The following MRPL42 variants were observed in gnomAD, a reference collection of about 807,000 sequenced individuals.
The protein encoded by MRPL42 is mitochondrial ribosomal protein L42, also known as large ribosomal subunit protein mL42.
A neutral mutation model predicts 17.9 loss-of-function variants in MRPL42; 17 were observed. The ratio of observed to expected loss-of-function variants is 0.95; its 90% CI spans 0.65 to 1.42. The LOEUF (loss-of-function observed/expected upper bound fraction) is 1.42. Among genes scored for constraint, MRPL42 ranks in the 40% most tolerant of loss-of-function variants. The pLI is 0.00. For synonymous variants in MRPL42, 59 were observed against 54.4 expected, an observed-to-expected ratio of 1.08 and a Z score of -0.37; for missense variants, 177 against 175.2, an observed-to-expected ratio of 1.01 and a Z score of -0.06.
chr12:93,497,506 A>G (rs1237655966), intron 5 of MRPL42, among the ~76,000 whole-genome samples: 1 of 152,222 alleles, frequency 6.6e-6, no homozygotes, highest in African/African-American at 2.4e-5. Flanking sequence ...TAAACACAGA[A>G]AAAAACTTTC....
In MRPL42 at chr12:93,484,977, CACATATATATATATATATAT is replaced by C. The variant is rs1477372090; in HGVS notation, c.220-2518_220-2499del. ...TTTTTAAAAAACACACACACACACA[CACATATATATATATATATAT>C]ATATATATATATATATATATATATA... is the stretch of plus-strand genomic sequence containing the variant. On this transcript the variant is annotated intron_variant, in intron 4 of 5. Transcript: ENST00000549982. Among the ~76,000 whole-genome samples the C allele has an allele frequency of 6.4e-3, 182 of 28,602 alleles. 26 individuals carry two copies. Among genetic ancestry groups the C allele is most frequent in the African/African-American group, 0.016 (173 of 10,656 alleles). 18.8% of individuals were successfully genotyped at this position (28,602 alleles called of 152,430 possible).
At position 93,514,281 on chromosome 12, in the gene MRPL42, T is replaced by G. The variant is rs1355253004; in HGVS notation, c.*13060T>G. The G allele has an allele frequency of 8.1e-5, 6 of 73,964 alleles. No homozygotes were observed. The highest frequency in any genetic ancestry group is 7.6e-4 in the Admixed American group (6 of 7,902). 4.6% of individuals were successfully genotyped at this position (73,964 alleles called of 1,614,324 possible). On this transcript the variant is annotated 3_prime_UTR_variant, in exon 6 of 6. Transcript: ENST00000549982. ...TTGGACAGTTTTCTCCCTCTGCTTT[T>G]TCTTTCTTTCTTTCTTTTTTTTTTT...
chr12:93,469,769 A>C (rs1253525022), intron 2 of MRPL42, among the ~76,000 whole-genome samples: 1 of 152,224 alleles, frequency 6.6e-6, no homozygotes, highest in Non-Finnish European at 1.5e-5. Context: ...ATCTATATAT[A>C]TCTATCATAT....
At position 93,502,926 on chromosome 12, in the gene MRPL42, C is replaced by A. The variant is rs2121287251; in HGVS notation, c.*1705C>A. On this transcript the variant is annotated 3_prime_UTR_variant, in exon 6 of 6. Coordinates refer to ENST00000549982, the MANE Select transcript of MRPL42 (RefSeq NM_014050.4). ...ACTGGAAGTATAGATTAACACTGTG[C>A]TTTCTGGGATTTTGCTTTTCATGGG... 1 of 152,294 alleles carries A rather than the reference C, an allele frequency of 6.6e-6. No individual in the cohort carries two copies. Among genetic ancestry groups the A allele is most frequent in the African/African-American group, 2.4e-5 (1 of 41,556 alleles). The allele number at this position is 152,294 out of a possible 1,614,324, so 9.4% of individuals were successfully genotyped here.
Position 93,516,037 on chromosome 12 carries a change from A to T in MRPL42, c.*14816A>T, listed in dbSNP as rs953010904. On this transcript the variant is annotated 3_prime_UTR_variant, in exon 6 of 6. Transcript: ENST00000549982. ...GAAGATGTATTGAGATAATCATGAA[A>T]TTCTCCTTCTTTCTGATAGTATCCA... The T allele has an allele frequency of 2.6e-5, 4 of 152,126 alleles. No individual in the cohort carries two copies. Among genetic ancestry groups the T allele is most frequent in the Non-Finnish European group, 2.9e-5 (2 of 68,032 alleles). 9.4% of individuals were successfully genotyped at this position (152,126 alleles called of 1,614,324 possible). A position where few individuals can be genotyped will look rare whatever the true frequency, so the allele number is the denominator to read the frequency against.
Position 93,501,356 on chromosome 12 carries a change from T to TTATA in MRPL42, c.*138_*141dup. 2.0e-6 allele frequency: 1 copy of TTATA among 499,372 alleles called. No homozygotes were observed. 30.9% of individuals were successfully genotyped at this position (499,372 alleles called of 1,614,324 possible). ...TTTTCATATATTAGAATGTGTACTTTTATATAAAGTAATTCTGGATTTGAC... is the reference window on the plus strand; with the variant it reads ...TTTTCATATATTAGAATGTGTACTTTTATATATATAAAGTAATTCTGGATTTGAC... On this transcript the variant is annotated 3_prime_UTR_variant, in exon 6 of 6. Coordinates refer to ENST00000549982, the MANE Select transcript of MRPL42 (RefSeq NM_014050.4).
rs1246661703 is a variant in MRPL42 at position 93,508,079 on chromosome 12, TGA to T, written c.*6861_*6862del. On this transcript the variant is annotated 3_prime_UTR_variant, in exon 6 of 6. Transcript: ENST00000549982. ...CTCCTGCCTCAGTCTCCTGAGTAGC[TGA>T]GATTACAGGCATGAGCCACCACGCC... The T allele has an allele frequency of 1.3e-5, 2 of 152,506 alleles. No individual in the cohort carries two copies. Among genetic ancestry groups the T allele is most frequent in the African/African-American group, 2.4e-5 (1 of 41,462 alleles). 9.4% of individuals were successfully genotyped at this position (152,506 alleles called of 1,614,324 possible).
chr12:93,502,304 A>G lies in MRPL42; in HGVS notation c.*1083A>G, dbSNP rs935163520. 2.0e-5 allele frequency: 3 copies of G among 152,214 alleles called. No homozygotes were observed. The highest frequency in any genetic ancestry group is 7.2e-5 in the African/African-American group (3 of 41,458). The allele number at this position is 152,214 out of a possible 1,614,324, so 9.4% of individuals were successfully genotyped here. ...TTCTGCTGCCTCTATTAGCTTATGT[A>G]TGATCCTTAATAGCATTGCTTCCCC... On this transcript the variant is annotated 3_prime_UTR_variant, in exon 6 of 6. Transcript: ENST00000549982.
At chr12:93,500,181 A>G (rs1451470190) in intron 5 of MRPL42, among the ~76,000 whole-genome samples, 2 of 152,194 alleles carry the variant, frequency 1.3e-5, no homozygotes, top group African/African-American at 2.4e-5. Flanking sequence ...GGTTATCATC[A>G]TACTGTATAT....
rs1188346017 is a variant in MRPL42 at position 93,513,271 on chromosome 12, CTG to C, written c.*12052_*12053del. 1 of 142,874 alleles carries C rather than the reference CTG, an allele frequency of 7.0e-6. No homozygotes were observed. The highest frequency in any genetic ancestry group is 2.7e-5 in the African/African-American group (1 of 37,164). 8.9% of individuals were successfully genotyped at this position (142,874 alleles called of 1,614,324 possible). A position where few individuals can be genotyped will look rare whatever the true frequency, so the allele number is the denominator to read the frequency against. ...AGTGCAGTGGTGCAATCGTAGCTCA[CTG>C]TAACCTTGAACTTCTGGGCTCAAGC... On this transcript the variant is annotated 3_prime_UTR_variant, in exon 6 of 6. Coordinates refer to ENST00000549982, the MANE Select transcript of MRPL42 (RefSeq NM_014050.4).
At chr12:93,497,058 C>G (rs1953519756) in intron 5 of MRPL42, among the ~76,000 whole-genome samples, 1 of 152,122 alleles carries the variant, frequency 6.6e-6, no homozygotes, top group South Asian at 2.1e-4. Flanking sequence ...ATAATGAATT[C>G]TGAAACTGAA....
At chr12:93,499,519 G>A (rs977573727) in intron 5 of MRPL42, among the ~76,000 whole-genome samples, 2 of 151,966 alleles carry the variant, frequency 1.3e-5, no homozygotes, top group Admixed American at 6.6e-5. Context: ...CTATTCTGAT[G>A]ACCGTTCTCC....
intron 2 of MRPL42, among the ~76,000 whole-genome samples, chr12:93,472,405 A>G (rs1221620862): frequency 6.6e-6 from 1 of 152,018 alleles, no homozygotes; most frequent in African/African-American, 2.4e-5. Flanking sequence ...AGGAAACCTC[A>G]TTTCTACAAA....
At chr12:93,495,773 A>C (rs956252907) in intron 5 of MRPL42, among the ~76,000 whole-genome samples, 1 of 152,162 alleles carries the variant, frequency 6.6e-6, no homozygotes, top group African/African-American at 2.4e-5. Flanking sequence ...AATGAGGAAC[A>C]TCTTAACCCA....
chr12:93,506,752 T>C lies in MRPL42; in HGVS notation c.*5531T>C, dbSNP rs1285663534. 1.3e-5 allele frequency: 2 copies of C among 152,190 alleles called. No homozygotes were observed. Among genetic ancestry groups the C allele is most frequent in the African/African-American group, 2.4e-5 (1 of 41,438 alleles). The allele number at this position is 152,190 out of a possible 1,614,324, so 9.4% of individuals were successfully genotyped here. A position where few individuals can be genotyped will look rare whatever the true frequency, so the allele number is the denominator to read the frequency against. ...AAATTAGTCTCTTCTTCACTCATAA[T>C]GCAAAGTACATTGGATTACTATTAT... On this transcript the variant is annotated 3_prime_UTR_variant, in exon 6 of 6. Coordinates refer to ENST00000549982, the MANE Select transcript of MRPL42 (RefSeq NM_014050.4).
chr12:93,474,566 C>T (rs946305747), intron 2 of MRPL42, among the ~76,000 whole-genome samples: 1 of 151,860 alleles, frequency 6.6e-6, no homozygotes, highest in African/African-American at 2.4e-5. Context: ...ACCTGAGTAG[C>T]TGGGATTATA....
chr12:93,470,460 CTTTT>C (rs746947945), intron 2 of MRPL42: 1 of 1,275,724 alleles, frequency 7.8e-7, no homozygotes, highest in African/African-American at 1.5e-5. Context: ...TGTGAGCCAA[CTTTT>C]TATTTTTATT....
chr12:93,473,935 T>C lies in MRPL42; in HGVS notation c.71-3019T>C, dbSNP rs536895483. Among the ~76,000 whole-genome samples the C allele has an allele frequency of 1.2e-3, 180 of 152,298 alleles. 1 individual carries two copies. Among genetic ancestry groups the C allele is most frequent in the African/African-American group, 4.3e-3 (178 of 41,546 alleles). ...AGGCAGTTCGGCAATCACTTTTTAA[T>C]GTGTAGGCACTATAGGGGACACAGT... On this transcript the variant is annotated intron_variant, in intron 2 of 5. Transcript: ENST00000549982.
chr12:93,485,007 T>TACAC (rs60917887), intron 4 of MRPL42, among the ~76,000 whole-genome samples: 1,389 of 47,760 alleles, frequency 0.029, 304 homozygotes, highest in African/African-American at 0.14. Flanking sequence ...TATATATATA[T>TACAC]ATATATATAT....
Sources: allele counts gnomAD v4.1 joint callset (sites outside exome capture counted in the v4.1 genomes callset), GRCh38; gene constraint gnomAD v4.1.1; transcripts MANE v1.5; gene names NCBI Gene and HGNC (gene_info 2026-07-23, HGNC 2026-07-21).